The following SFMBT2 variants were observed in gnomAD, a reference collection of about 807,000 sequenced individuals.
SFMBT2 encodes Scm like with four mbt domains 2, also known as scm-like with four MBT domains protein 2.
Under a neutral mutation model 110.1 loss-of-function variants are expected in SFMBT2, and 38 were observed. That is an observed-to-expected ratio of 0.35 (90% CI 0.27 to 0.45). SFMBT2 has a LOEUF of 0.45. Among genes scored for constraint, SFMBT2 ranks in the 20% least tolerant of loss-of-function variants. The pLI, the probability that SFMBT2 is intolerant of heterozygous loss-of-function variation, is 1.00. For missense variants in SFMBT2, 1,011 were observed against 1,094.9 expected (o/e 0.92, Z 1.08); for synonymous variants, 425 against 425.4 (o/e 1.00, Z 0.01).
At chr10:7,333,392 C>T (rs1301657611) in intron 4 of SFMBT2, among the ~76,000 whole-genome samples, 2 of 138,468 alleles carry the variant, frequency 1.4e-5, no homozygotes, top group Non-Finnish European at 3.2e-5. Context: ...TGAGGCTTAC[C>T]TTTTTTTTTT....
At chr10:7,219,597 G>T in intron 11 of SFMBT2, 1 of 227,214 alleles carries the variant, frequency 4.4e-6, no homozygotes, top group Non-Finnish European at 7.3e-6. Context: ...TATTGAGTAA[G>T]TCATAAGATT....
intron 9 of SFMBT2, among the ~76,000 whole-genome samples, chr10:7,229,867 C>T (rs902876805): frequency 3.3e-5 from 5 of 151,396 alleles, no homozygotes; most frequent in Non-Finnish European, 7.4e-5. Context: ...ACTACAGGCG[C>T]CCGCCACCAT....
intron 11 of SFMBT2, among the ~76,000 whole-genome samples, chr10:7,208,026 C>A (rs1021463488): frequency 2.6e-5 from 4 of 152,154 alleles, no homozygotes; most frequent in African/African-American, 7.2e-5. Context: ...TATTTTTGAA[C>A]AAGGTTAAAT....
intron 16 of SFMBT2, among the ~76,000 whole-genome samples, chr10:7,187,357 C>A (rs931656047): frequency 3.9e-5 from 6 of 152,168 alleles, no homozygotes; most frequent in Non-Finnish European, 8.8e-5. Context: ...CTAATGATCT[C>A]TTTAAAGCAG....
At chr10:7,243,209 T>C (rs1282758774) in intron 9 of SFMBT2, among the ~76,000 whole-genome samples, 2 of 152,228 alleles carry the variant, frequency 1.3e-5, no homozygotes, top group Non-Finnish European at 2.9e-5. Context: ...TTCACCAACA[T>C]TGTGTTACAT....
intron 6 of SFMBT2, among the ~76,000 whole-genome samples, chr10:7,279,216 C>T (rs974179766): frequency 1.2e-4 from 19 of 152,270 alleles, no homozygotes; most frequent in African/African-American, 4.1e-4. Flanking sequence ...GTTGCCTGCA[C>T]GCTGGCCCAG....
At chr10:7,164,261 C>A (rs1050657418) in intron 20 of SFMBT2, 105 of 598,808 alleles carry the variant, frequency 1.8e-4, no homozygotes, top group Non-Finnish European at 1.8e-4. Flanking sequence ...GTGGTGCAAA[C>A]CTGTGATGCC....
At chr10:7,186,425 T>TACACATACACACACAC (rs1554782947) in intron 16 of SFMBT2, among the ~76,000 whole-genome samples, 109 of 109,332 alleles carry the variant, frequency 1.0e-3, no homozygotes, top group African/African-American at 3.9e-3. Flanking sequence ...ATACTATATA[T>TACACATACACACACAC]ACACACACAC....
At chr10:7,371,242 G>A (rs1047846836) in intron 2 of SFMBT2, among the ~76,000 whole-genome samples, 4 of 152,174 alleles carry the variant, frequency 2.6e-5, no homozygotes, top group South Asian at 2.1e-4. Context: ...TCCTGCCTCA[G>A]CTTCCTAAGT....
chr10:7,309,079 C>T (rs1027418300), intron 4 of SFMBT2, among the ~76,000 whole-genome samples: 6 of 152,134 alleles, frequency 3.9e-5, no homozygotes, highest in Admixed American at 2.0e-4. Flanking sequence ...GGTGCATCCG[C>T]GAGGGTGTTT....
At chr10:7,219,542 A>G (rs547443396) in intron 11 of SFMBT2, 1 of 162,908 alleles carries the variant, frequency 6.1e-6, no homozygotes, top group East Asian at 1.9e-4. Flanking sequence ...AGATCTGAGC[A>G]CCAATTCTAT....
intron 4 of SFMBT2, among the ~76,000 whole-genome samples, chr10:7,312,198 C>T (rs1842876762): frequency 6.6e-6 from 1 of 152,038 alleles, no homozygotes; most frequent in South Asian, 2.1e-4. Flanking sequence ...GCACATTGTG[C>T]ACATGTACCC....
intron 1 of SFMBT2, among the ~76,000 whole-genome samples, chr10:7,401,378 C>G (rs1465729106): frequency 2.0e-5 from 3 of 152,192 alleles, no homozygotes; most frequent in Admixed American, 1.3e-4. Flanking sequence ...TCAAAGGACA[C>G]AACAGGATTC....
At chr10:7,264,174 C>T (rs1235306271) in intron 7 of SFMBT2, 3 of 244,016 alleles carry the variant, frequency 1.2e-5, no homozygotes, top group Non-Finnish European at 2.0e-5. Context: ...TCTACATGTC[C>T]GTGTCCCTTC....
At position 7,197,540 on chromosome 10, in the gene SFMBT2, G is replaced by A; in HGVS notation, c.1698+8C>T. ...AAATAAGCCAAGGTGATTGTGCACG[G>A]GCTTTACCTCTTTAAGAACCAGCAC... On this transcript the variant is annotated splice_region_variant and intron_variant, in intron 15 of 20. Transcript: ENST00000397167. The A allele has an allele frequency of 6.2e-7, 1 of 1,613,602 alleles. No individual in the cohort carries two copies. The highest frequency in any genetic ancestry group is 1.7e-5 in the Admixed American group (1 of 59,930).
chr10:7,325,042 A>G (rs571371138), intron 4 of SFMBT2, among the ~76,000 whole-genome samples: 13 of 137,790 alleles, frequency 9.4e-5, no homozygotes, highest in Non-Finnish European at 2.0e-4. Flanking sequence ...ATCTCGGCTC[A>G]CTACAACCTC....
At chr10:7,348,402 G>C (rs1309093504) in intron 4 of SFMBT2, 34 of 1,331,432 alleles carry the variant, frequency 2.6e-5, no homozygotes, top group Admixed American at 3.2e-5. Context: ...ATGGGCTTTG[G>C]GGGGCTCTTC....
intron 3 of SFMBT2, 50 bp downstream of exon 3, chr10:7,370,230 CT>C: frequency 6.6e-7 from 1 of 1,521,302 alleles, no homozygotes; most frequent in Non-Finnish European, 9.1e-7. Flanking sequence ...CTATAGATTC[CT>C]TCCCTTCCCA....
Position 7,268,509 on chromosome 10 carries a change from T to C in SFMBT2, c.870+8383A>G, listed in dbSNP as rs1162264746. ...AAGTGACTATGTCAAAGAAAGGTTT[T>C]ATCTAATTTTTTTTTTTTTGAGACA... On this transcript the variant is annotated intron_variant, in intron 7 of 20. Coordinates refer to ENST00000397167, the MANE Select transcript of SFMBT2 (RefSeq NM_001387889.1). 7.2e-5 allele frequency among the ~76,000 whole-genome samples: 11 copies of C among 151,798 alleles called. No individual in the cohort carries two copies. The East Asian group carries it at 2.1e-3, about 29-fold the overall frequency.
Sources: allele counts gnomAD v4.1 joint callset (sites outside exome capture counted in the v4.1 genomes callset), GRCh38; gene constraint gnomAD v4.1.1; transcripts MANE v1.5; gene names NCBI Gene and HGNC (gene_info 2026-07-23, HGNC 2026-07-21).